The following MBD5 variants were observed in gnomAD, a reference collection of about 807,000 sequenced individuals.
MBD5 encodes the protein methyl-CpG binding domain protein 5.
In MBD5, 13 loss-of-function variants were observed where a neutral mutation model predicts 117.3. The observed-to-expected ratio is 0.11, with a 90% CI of 0.07 to 0.18. The LOEUF is 0.18. MBD5 is among the 10% of genes least tolerant of loss of function. The pLI, the probability that MBD5 is intolerant of heterozygous loss-of-function variation, is 1.00. For synonymous variants in MBD5, 727 were observed against 766.4 expected (o/e 0.95, Z 0.85); for missense variants, 1,879 against 2,093.8 (o/e 0.90, Z 2.00).
intron 2 of MBD5, among the ~76,000 whole-genome samples, chr2:148,231,952 G>A (rs890953640): frequency 3.9e-5 from 6 of 152,154 alleles, no homozygotes; most frequent in Admixed American, 1.3e-4. Context: ...AGTTGGAGGC[G>A]GAGGTTTTTT....
At chr2:148,208,579 C>T (rs1051509456) in intron 2 of MBD5, among the ~76,000 whole-genome samples, 4 of 151,892 alleles carry the variant, frequency 2.6e-5, no homozygotes, top group Admixed American at 1.3e-4. Context: ...TATGACTGCT[C>T]ATCTCTTTTA....
chr2:148,148,853 T>C (rs1697549815), intron 1 of MBD5, among the ~76,000 whole-genome samples: 1 of 152,172 alleles, frequency 6.6e-6, no homozygotes, highest in Non-Finnish European at 1.5e-5. Context: ...TACATTTATT[T>C]TTCTCTCTAT....
intron 1 of MBD5, among the ~76,000 whole-genome samples, chr2:148,109,807 T>C (rs1408092957): frequency 6.6e-6 from 1 of 152,182 alleles, no homozygotes; most frequent in African/African-American, 2.4e-5. Context: ...TTTTCTACAA[T>C]GATCTGAACA....
chr2:148,120,431 A>C (rs11897174), intron 1 of MBD5, among the ~76,000 whole-genome samples: 1,869 of 152,288 alleles, frequency 0.012, 44 homozygotes, highest in African/African-American at 0.043. Flanking sequence ...GAAATGTAAC[A>C]TGTCTTTTCA....
At position 148,310,585 on chromosome 2, in the gene MBD5, C is replaced by A. The variant is rs557734252; in HGVS notation, c.-679-31629C>A. The stretch of plus-strand genomic sequence containing the variant: ...GATTTATGTATTTTGTTAATCTTTT[C>A]AAAAAACCAGCTCCTGGATTCATTG... On this transcript the variant is annotated intron_variant, in intron 3 of 13. Coordinates refer to ENST00000642680, the MANE Select transcript of MBD5 (RefSeq NM_001378120.1). Among the ~76,000 whole-genome samples the A allele has an allele frequency of 1.1e-4, 17 of 152,072 alleles. No individual in the cohort carries two copies. In the South Asian group the frequency reaches 3.1e-3, roughly 28 times the overall value.
chr2:148,128,100 G>A (rs1558937444), intron 1 of MBD5, among the ~76,000 whole-genome samples: 2 of 151,868 alleles, frequency 1.3e-5, no homozygotes, highest in Admixed American at 6.6e-5. Context: ...TTGTAAATTT[G>A]TTTAAGTTTC....
chr2:148,105,550 A>G (rs2105322403), intron 1 of MBD5, among the ~76,000 whole-genome samples: 1 of 152,192 alleles, frequency 6.6e-6, no homozygotes, highest in South Asian at 2.1e-4. Flanking sequence ...AGCAATTTGT[A>G]TGTGCCTGCC....
intron 2 of MBD5, among the ~76,000 whole-genome samples, chr2:148,184,335 G>A (rs1488377723): frequency 1.3e-5 from 2 of 151,978 alleles, no homozygotes; most frequent in Non-Finnish European, 2.9e-5. Flanking sequence ...TGAGTCTCCT[G>A]TTATTCAGAT....
At chr2:148,326,074 T>A (rs190821844) in intron 3 of MBD5, among the ~76,000 whole-genome samples, 3,412 of 152,338 alleles carry the variant, frequency 0.022, 55 homozygotes, top group Middle Eastern at 0.037. Flanking sequence ...TCTTTATTTC[T>A]GCCTTCATTT....
intron 1 of MBD5, among the ~76,000 whole-genome samples, chr2:148,065,149 T>C (rs1399276102): frequency 2.0e-5 from 3 of 152,074 alleles, no homozygotes; most frequent in East Asian, 3.9e-4. Context: ...TTATCCACAG[T>C]CTTAAATATG....
intron 3 of MBD5, among the ~76,000 whole-genome samples, chr2:148,314,667 C>T (rs1033675500): frequency 6.6e-5 from 10 of 152,086 alleles, no homozygotes; most frequent in African/African-American, 1.9e-4. Context: ...CGAGATCCAG[C>T]GCATTCAGGG....
chr2:148,235,241 C>T (rs1204346247), intron 3 of MBD5, among the ~76,000 whole-genome samples: 2 of 152,052 alleles, frequency 1.3e-5, no homozygotes, highest in African/African-American at 2.4e-5. Flanking sequence ...TTGATCCAAG[C>T]TTGCTTGAAT....
chr2:148,184,202 G>A (rs568074120), intron 2 of MBD5, among the ~76,000 whole-genome samples: 1 of 151,980 alleles, frequency 6.6e-6, no homozygotes, highest in South Asian at 2.1e-4. Flanking sequence ...TGATAGAGAT[G>A]GGGTTTCACT....
chr2:148,139,275 C>T (rs1697248844), intron 1 of MBD5, among the ~76,000 whole-genome samples: 1 of 152,016 alleles, frequency 6.6e-6, no homozygotes, highest in African/African-American at 2.4e-5. Context: ...GACGCAATCT[C>T]GGCTCACCGC....
chr2:148,374,092 A>C (rs1304322922), intron 4 of MBD5, among the ~76,000 whole-genome samples: 1 of 152,100 alleles, frequency 6.6e-6, no homozygotes, highest in East Asian at 1.9e-4. Context: ...AGCATTTCGG[A>C]TAAGGGGTAC....
At position 148,074,165 on chromosome 2, in the gene MBD5, T is replaced by C. The variant is rs141571563; in HGVS notation, c.-925+52481T>C. On this transcript the variant is annotated intron_variant, in intron 1 of 13. Transcript: ENST00000642680. ...GTGTTTCTTCCTTTCCCTATCAATT[T>C]TGGTGCTTTGACTTCTATGAAGCAG... Among the ~76,000 whole-genome samples, 847 of 152,312 alleles carry C rather than the reference T, an allele frequency of 5.6e-3. 8 individuals carry two copies. The highest frequency in any genetic ancestry group is 0.019 in the African/African-American group (791 of 41,582).
At chr2:148,345,272 A>G (rs1346846024) in intron 4 of MBD5, among the ~76,000 whole-genome samples, 2 of 150,068 alleles carry the variant, frequency 1.3e-5, no homozygotes, top group Admixed American at 6.7e-5. Flanking sequence ...ATTTGTTTCT[A>G]TTGTCTATGA....
chr2:148,149,148 T>C (rs1697561861), intron 1 of MBD5, among the ~76,000 whole-genome samples: 1 of 145,978 alleles, frequency 6.9e-6, no homozygotes, highest in Admixed American at 6.9e-5. Context: ...GTCCATGTGA[T>C]CTCATTGTTC....
intron 3 of MBD5, among the ~76,000 whole-genome samples, chr2:148,240,741 T>A (rs1297755291): frequency 1.3e-5 from 2 of 152,208 alleles, no homozygotes; most frequent in African/African-American, 4.8e-5. Flanking sequence ...CTTTAGAAAT[T>A]TCTGTTTCTT....
Sources: allele counts gnomAD v4.1 joint callset (sites outside exome capture counted in the v4.1 genomes callset), GRCh38; gene constraint gnomAD v4.1.1; transcripts MANE v1.5; gene names NCBI Gene and HGNC (gene_info 2026-07-23, HGNC 2026-07-21).